TMEM242: variants seen among roughly 807,000 people sequenced by gnomAD.
TMEM242 encodes UPF0463 transmembrane protein C6orf35.
In TMEM242, 10 loss-of-function variants were observed where a neutral mutation model predicts 18.2. That is an observed-to-expected ratio of 0.55 (90% CI 0.34 to 0.93). The LOEUF (loss-of-function observed/expected upper bound fraction) is 0.93, where lower values mean the gene tolerates loss of function less well. Ranked by LOEUF, TMEM242 falls within the 40% of genes least tolerant of loss-of-function variation. The pLI, the probability that TMEM242 is intolerant of heterozygous loss-of-function variation, is 0.02. For missense variants in TMEM242, 186 were observed against 175.5 expected (o/e 1.06, Z -0.34); for synonymous variants, 57 against 69.9 (o/e 0.81, Z 0.92).
At chr6:157,313,409 T>C (rs868957966) in intron 3 of TMEM242, among the ~76,000 whole-genome samples, 24 of 11,484 alleles carry the variant, frequency 2.1e-3, no homozygotes, top group South Asian at 8.5e-3. Context: ...TATTACAGTG[T>C]CCAGTGTGCG....
intron 3 of TMEM242, among the ~76,000 whole-genome samples, chr6:157,311,231 T>C (rs1554248672): frequency 9.0e-6 from 1 of 111,260 alleles, no homozygotes; most frequent in African/African-American, 3.6e-5. Context: ...CCTAGCCTCA[T>C]CATAGTGTCC....
intron 3 of TMEM242, among the ~76,000 whole-genome samples, chr6:157,315,602 T>C (rs1290448022): frequency 6.6e-6 from 1 of 152,198 alleles, no homozygotes; most frequent in Non-Finnish European, 1.5e-5. Context: ...AGAGGCTGAG[T>C]AGATATTTCC....
At chr6:157,323,276 C>G (rs994242398) in intron 1 of TMEM242, 136 bp downstream of exon 1, 2 of 994,240 alleles carry the variant, frequency 2.0e-6, no homozygotes, top group Non-Finnish European at 3.0e-6. Flanking sequence ...CGCCAGACTC[C>G]GCGGGCTAAA....
chr6:157,312,497 T>C (rs199994814), intron 3 of TMEM242, among the ~76,000 whole-genome samples: 1 of 135,808 alleles, frequency 7.4e-6, no homozygotes, highest in Non-Finnish European at 1.6e-5. Context: ...AGTGTCCCAG[T>C]GTGCACTCAC....
At chr6:157,320,029 A>C (rs1400613312) in intron 2 of TMEM242, among the ~76,000 whole-genome samples, 3 of 152,264 alleles carry the variant, frequency 2.0e-5, no homozygotes, top group Admixed American at 6.5e-5. Context: ...AAAGACCTCC[A>C]GGTGGCAACT....
At chr6:157,296,275 G>T (rs782670853) in intron 3 of TMEM242, among the ~76,000 whole-genome samples, 1 of 152,166 alleles carries the variant, frequency 6.6e-6, no homozygotes, top group Non-Finnish European at 1.5e-5. Context: ...TTTCCAAACT[G>T]TAGTTCTCTC....
intron 3 of TMEM242, among the ~76,000 whole-genome samples, chr6:157,312,496 G>T (rs1372845356): frequency 1.0e-5 from 1 of 100,054 alleles, no homozygotes; most frequent in Non-Finnish European, 2.0e-5. Flanking sequence ...TAGTGTCCCA[G>T]TGTGCACTCA....
At chr6:157,308,991 A>G (rs1777954703) in intron 3 of TMEM242, among the ~76,000 whole-genome samples, 1 of 152,230 alleles carries the variant, frequency 6.6e-6, no homozygotes, top group Admixed American at 6.5e-5. Flanking sequence ...TAATAGTGAA[A>G]AATTGCAATC....
chr6:157,311,568 T>C (rs1554248853), intron 3 of TMEM242, among the ~76,000 whole-genome samples: 2 of 107,984 alleles, frequency 1.9e-5, no homozygotes, highest in East Asian at 3.1e-4. Context: ...TCACCTAGCC[T>C]CAACATAGTG....
chr6:157,304,888 G>C (rs1777888847), intron 3 of TMEM242, among the ~76,000 whole-genome samples: 1 of 152,174 alleles, frequency 6.6e-6, no homozygotes, highest in Admixed American at 6.5e-5. Context: ...GGCAAAGCTA[G>C]AGTAAAGGCC....
At chr6:157,307,875 G>A (rs1174705929) in intron 3 of TMEM242, among the ~76,000 whole-genome samples, 4 of 152,178 alleles carry the variant, frequency 2.6e-5, no homozygotes, top group Non-Finnish European at 5.9e-5. Flanking sequence ...ATATGCTGAC[G>A]TATGGTAATC....
intron 3 of TMEM242, among the ~76,000 whole-genome samples, chr6:157,313,822 T>A (rs1778307424): frequency 7.1e-6 from 1 of 141,770 alleles, no homozygotes; most frequent in Non-Finnish European, 1.6e-5. Context: ...AGCGCCCCAG[T>A]GTGCGCTCAC....
In TMEM242 at chr6:157,305,183, A is replaced by T. The variant is rs1404440195; in HGVS notation, c.328-12184T>A. Among the ~76,000 whole-genome samples the T allele has an allele frequency of 5.3e-5, 8 of 152,178 alleles. No individual in the cohort carries two copies. The highest frequency in any genetic ancestry group is 1.9e-4 in the African/African-American group (8 of 41,448). ...GGGAAACTGGACAGGAAACTCTTAA[A>T]ACACTAGGCAACAGAGGAATGGATG... On this transcript the variant is annotated intron_variant, in intron 3 of 3. Transcript: ENST00000400788. The surrounding 1 kb of genome is among the most constrained non-coding windows in gnomAD (Gnocchi z 4.1).
chr6:157,315,793 G>GT (rs1273803312), intron 3 of TMEM242, among the ~76,000 whole-genome samples: 3 of 152,146 alleles, frequency 2.0e-5, no homozygotes, highest in Non-Finnish European at 4.4e-5. Context: ...CTGGGCAAAC[G>GT]TATCTGCTTT....
At chr6:157,309,841 T>G (rs1035106129) in intron 3 of TMEM242, among the ~76,000 whole-genome samples, 6 of 152,230 alleles carry the variant, frequency 3.9e-5, no homozygotes, top group African/African-American at 1.4e-4. Flanking sequence ...TTATTACAGT[T>G]GAGGTTTCAG....
At chr6:157,307,622 T>C (rs1554248021) in intron 3 of TMEM242, among the ~76,000 whole-genome samples, 1 of 152,162 alleles carries the variant, frequency 6.6e-6, no homozygotes, top group East Asian at 1.9e-4. Context: ...GTTAAACCTA[T>C]TAGAGCTGCA....
chr6:157,310,711 T>G (rs1554248405), intron 3 of TMEM242, among the ~76,000 whole-genome samples: 1 of 151,924 alleles, frequency 6.6e-6, no homozygotes, highest in Non-Finnish European at 1.5e-5. Flanking sequence ...AGTGCCCCAG[T>G]GTGCACTCAG....
At chr6:157,320,041 T>A (rs1778467750) in intron 2 of TMEM242, among the ~76,000 whole-genome samples, 1 of 152,232 alleles carries the variant, frequency 6.6e-6, no homozygotes, top group Non-Finnish European at 1.5e-5. Context: ...GTGGCAACTG[T>A]GAAGTGCACT....
intron 3 of TMEM242, among the ~76,000 whole-genome samples, chr6:157,298,231 G>A (rs868922911): frequency 1.3e-5 from 2 of 152,118 alleles, no homozygotes; most frequent in African/African-American, 2.4e-5. Context: ...GATTTAATGC[G>A]CTAACAGGTC....
Sources: allele counts gnomAD v4.1 joint callset (sites outside exome capture counted in the v4.1 genomes callset), GRCh38; gene constraint gnomAD v4.1.1; non-coding constraint Gnocchi (gnomAD v3.1); transcripts MANE v1.5; gene names NCBI Gene and HGNC (gene_info 2026-07-23, HGNC 2026-07-21).